The following NKAIN3 variants were observed in gnomAD, a reference collection of about 807,000 sequenced individuals.
NKAIN3 encodes sodium/potassium-transporting ATPase subunit beta-1-interacting protein 3.
Under a neutral mutation model 30.2 loss-of-function variants are expected in NKAIN3, and 25 were observed. The ratio of observed to expected loss-of-function variants is 0.83; its 90% CI spans 0.60 to 1.16. The LOEUF is 1.16. Among genes scored for constraint, NKAIN3 ranks in the 50% most tolerant of loss-of-function variants. NKAIN3 has a pLI of 0.00. For synonymous variants in NKAIN3, 91 were observed against 89.6 expected, an observed-to-expected ratio of 1.02 and a Z score of -0.09; for missense variants, 225 against 254.1, an observed-to-expected ratio of 0.89 and a Z score of 0.78.
Position 62,289,106 on chromosome 8 carries a change from A to T in NKAIN3, c.54+39979A>T, listed in dbSNP as rs1468770690. On this transcript the variant is annotated intron_variant, in intron 1 of 6. Coordinates refer to ENST00000623646, the MANE Select transcript of NKAIN3 (RefSeq NM_001304533.3). ...ATGGGGTTGTTTGATTTTTTCTTGTAAATTTGTTTAAGTTCTTTGTAGATT... is the reference window on the plus strand; with the variant it reads ...ATGGGGTTGTTTGATTTTTTCTTGTTAATTTGTTTAAGTTCTTTGTAGATT... Among the ~76,000 whole-genome samples, 3 of 152,022 alleles carry T rather than the reference A, an allele frequency of 2.0e-5. No individual in the cohort carries two copies. In the East Asian group the frequency reaches 5.8e-4, roughly 29 times the overall value.
At chr8:62,543,172 A>C (rs944562729) in intron 1 of NKAIN3, among the ~76,000 whole-genome samples, 4 of 152,192 alleles carry the variant, frequency 2.6e-5, no homozygotes, top group African/African-American at 7.2e-5. Flanking sequence ...TAAAGGATTC[A>C]GGCAAATCAT....
At chr8:62,493,933 C>G (rs537701766) in intron 1 of NKAIN3, among the ~76,000 whole-genome samples, 2 of 151,978 alleles carry the variant, frequency 1.3e-5, no homozygotes, top group Non-Finnish European at 2.9e-5. Context: ...GGTCGAGACT[C>G]TAGGGTTTTC....
At chr8:62,824,940 T>C (rs1195515242) in intron 4 of NKAIN3, among the ~76,000 whole-genome samples, 2 of 152,182 alleles carry the variant, frequency 1.3e-5, no homozygotes, top group Admixed American at 6.5e-5. Context: ...TAAGTGAAGA[T>C]TGTCATATCA....
chr8:62,353,012 T>C (rs1816230595), intron 1 of NKAIN3, among the ~76,000 whole-genome samples: 1 of 152,164 alleles, frequency 6.6e-6, no homozygotes, highest in South Asian at 2.1e-4. Context: ...TGATCAGTAA[T>C]AAAATCAAAC....
intron 5 of NKAIN3, among the ~76,000 whole-genome samples, chr8:62,926,628 G>A (rs1822454124): frequency 6.6e-6 from 1 of 152,180 alleles, no homozygotes; most frequent in African/African-American, 2.4e-5. Context: ...TCATTTTGGG[G>A]ATGAATAATT....
At chr8:62,540,153 G>T (rs1808793638) in intron 1 of NKAIN3, among the ~76,000 whole-genome samples, 1 of 151,928 alleles carries the variant, frequency 6.6e-6, no homozygotes, top group African/African-American at 2.4e-5. Context: ...CCTAATTTCT[G>T]CTCTCAAAAG....
At chr8:62,937,702 C>CAA (rs1003000816) in intron 5 of NKAIN3, among the ~76,000 whole-genome samples, 1 of 151,828 alleles carries the variant, frequency 6.6e-6, no homozygotes, top group Non-Finnish European at 1.5e-5. Flanking sequence ...AGTGGGGGGG[C>CAA]AAAAGGGAAG....
chr8:62,646,464 C>G (rs1812463039), intron 3 of NKAIN3, among the ~76,000 whole-genome samples: 1 of 152,078 alleles, frequency 6.6e-6, no homozygotes, highest in African/African-American at 2.4e-5. Flanking sequence ...AGATGATATG[C>G]TTAGACATAA....
At chr8:62,904,588 G>A (rs143040941) in intron 4 of NKAIN3, among the ~76,000 whole-genome samples, 262 of 152,298 alleles carry the variant, frequency 1.7e-3, no homozygotes, top group Middle Eastern at 6.8e-3. Flanking sequence ...GTTTACAGTG[G>A]CTGAGCAACA....
At chr8:62,557,284 GT>G (rs1431378211) in intron 1 of NKAIN3, among the ~76,000 whole-genome samples, 1 of 152,016 alleles carries the variant, frequency 6.6e-6, no homozygotes, top group Non-Finnish European at 1.5e-5. Flanking sequence ...ATATACCACA[GT>G]TTCTTTATTC....
At position 62,579,642 on chromosome 8, in the gene NKAIN3, G is replaced by A; in HGVS notation, c.158G>A (p.Gly53Glu). Residue 53 changes from glycine to glutamate, a missense_variant, in exon 2 of 7, where the codon GGG becomes GAG. Gly to Glu is a moderately conservative substitution (Grantham distance 98). Transcript: ENST00000623646. ...HIIVVILGLF[G>E]TIQYRPRYIM... Reference sequence around the variant, plus strand: ...ATAGTTGTCATATTGGGTTTGTTTGGGACCATTCAGTACAGACCTCGATAC... The same window carrying A: ...ATAGTTGTCATATTGGGTTTGTTTGAGACCATTCAGTACAGACCTCGATAC... 1 of 1,607,728 alleles carries A rather than the reference G, an allele frequency of 6.2e-7. No homozygotes were observed. Among genetic ancestry groups the A allele is most frequent in the South Asian group, 1.1e-5 (1 of 90,384 alleles).
At position 62,606,908 on chromosome 8, in the gene NKAIN3, G is replaced by T. The variant is rs186663616; in HGVS notation, c.273+17114G>T. Among the ~76,000 whole-genome samples, 56 of 152,250 alleles carry T rather than the reference G, an allele frequency of 3.7e-4. No individual in the cohort carries two copies. The East Asian group carries it at 0.01, about 28-fold the overall frequency. On this transcript the variant is annotated intron_variant, in intron 3 of 6. Transcript: ENST00000623646. The stretch of plus-strand genomic sequence containing the variant: ...ATTAGCTGAGATACTGAGACAGTGG[G>T]TGTAGTTATTTCCTACATACAATTA...
intron 1 of NKAIN3, among the ~76,000 whole-genome samples, chr8:62,528,911 C>T (rs1808400989): frequency 6.6e-6 from 1 of 152,020 alleles, no homozygotes; most frequent in Admixed American, 6.6e-5. Flanking sequence ...GTGATAGATA[C>T]CATTTTCCTA....
At chr8:62,673,600 G>A (rs531116138) in intron 3 of NKAIN3, among the ~76,000 whole-genome samples, 3 of 152,260 alleles carry the variant, frequency 2.0e-5, no homozygotes, top group Non-Finnish European at 4.4e-5. Flanking sequence ...TAAGAAATGT[G>A]TTGTTAGGCA....
In NKAIN3 at chr8:62,908,930, T is replaced by A. The variant is rs540495723; in HGVS notation, c.472-9523T>A. The stretch of plus-strand genomic sequence containing the variant: ...ACTTAGGAGAGTGACTGGGGAGTTA[T>A]GTTGTTCAAGGATTCTTCTGCCTTT... On this transcript the variant is annotated intron_variant, in intron 4 of 6. Transcript: ENST00000623646. Among the ~76,000 whole-genome samples the A allele has an allele frequency of 9.8e-5, 15 of 152,316 alleles. No individual in the cohort carries two copies. In the South Asian group the frequency reaches 3.1e-3, roughly 32 times the overall value.
In NKAIN3 at chr8:62,716,437, T is replaced by C. The variant is rs575686325; in HGVS notation, c.274-30495T>C. Among the ~76,000 whole-genome samples, 6 of 152,332 alleles carry C rather than the reference T, an allele frequency of 3.9e-5. No homozygotes were observed. The South Asian group carries it at 1.2e-3, about 32-fold the overall frequency. ...GCTAGGGTGCTTCATTAGCCTTTTC[T>C]GATAATGGATTCATGACAGTTGTAC... On this transcript the variant is annotated intron_variant, in intron 3 of 6. Transcript: ENST00000623646.
At chr8:62,668,895 T>C (rs1813213326) in intron 3 of NKAIN3, among the ~76,000 whole-genome samples, 2 of 152,196 alleles carry the variant, frequency 1.3e-5, no homozygotes, top group Admixed American at 1.3e-4. Flanking sequence ...TGCCTCTTGA[T>C]AGCAGTCATA....
chr8:62,927,866 T>C (rs1203679312), intron 5 of NKAIN3, among the ~76,000 whole-genome samples: 1 of 152,182 alleles, frequency 6.6e-6, no homozygotes, highest in Non-Finnish European at 1.5e-5. Flanking sequence ...GACCAGACAA[T>C]AAAAGAGATG....
At chr8:62,801,515 G>A (rs913883552) in intron 4 of NKAIN3, among the ~76,000 whole-genome samples, 1 of 152,160 alleles carries the variant, frequency 6.6e-6, no homozygotes, top group Non-Finnish European at 1.5e-5. Context: ...ACAGGGTCTG[G>A]AGTGGACCTC....
Sources: gnomAD v4.1 joint callset for allele counts (sites outside exome capture counted in the v4.1 genomes callset) on GRCh38, gnomAD v4.1.1 for gene constraint, MANE v1.5 for transcripts, NCBI Gene and HGNC (gene_info 2026-07-23, HGNC 2026-07-21) for gene names.